ERC2: variants seen among roughly 807,000 people sequenced by gnomAD.
ERC2 encodes ELKS/RAB6-interacting/CAST family member 2, also known as ERC protein 2.
ERC2 carries 42 observed loss-of-function variants against 114.8 expected under a neutral mutation model. The observed-to-expected ratio is 0.37, with a 90% CI of 0.29 to 0.47. The LOEUF is 0.47. ERC2 is among the 20% of genes least tolerant of loss of function. The pLI is 0.99. For missense variants in ERC2, 939 were observed against 1,150.7 expected (o/e 0.82, Z 2.66); for synonymous variants, 454 against 425.5 (o/e 1.07, Z -0.82).
chr3:56,256,782 T>C (rs2052545572), intron 3 of ERC2, among the ~76,000 whole-genome samples: 1 of 152,186 alleles, frequency 6.6e-6, no homozygotes, highest in Non-Finnish European at 1.5e-5. Context: ...GATGGTTTTA[T>C]AAGTGTTTGG....
intron 14 of ERC2, among the ~76,000 whole-genome samples, chr3:55,842,649 T>C (rs777979829): frequency 1.3e-5 from 2 of 151,772 alleles, no homozygotes; most frequent in Non-Finnish European, 2.9e-5. Context: ...TTATCAAGGG[T>C]CTGTAGACTC....
chr3:56,070,747 G>A (rs976365743), intron 7 of ERC2, among the ~76,000 whole-genome samples: 1 of 152,166 alleles, frequency 6.6e-6, no homozygotes, highest in Non-Finnish European at 1.5e-5. Context: ...TTGATTGCTA[G>A]AAGACGTAAA....
At chr3:56,179,091 A>G (rs1321195905) in intron 3 of ERC2, among the ~76,000 whole-genome samples, 1 of 151,940 alleles carries the variant, frequency 6.6e-6, no homozygotes, top group Admixed American at 6.6e-5. Context: ...AAAAACTCAT[A>G]ATGTTTTAAG....
chr3:56,333,907 AG>A (rs1371884299), intron 2 of ERC2, among the ~76,000 whole-genome samples: 1 of 152,184 alleles, frequency 6.6e-6, no homozygotes. Context: ...CACTCTTGGG[AG>A]GCTCTTTCTT....
intron 13 of ERC2, among the ~76,000 whole-genome samples, chr3:55,906,818 C>A (rs1325697711): frequency 1.3e-5 from 2 of 152,158 alleles, no homozygotes; most frequent in African/African-American, 2.4e-5. Context: ...ATGAGTGTTT[C>A]TGTGTTTGGG....
At chr3:55,856,832 A>G (rs1465606878) in intron 14 of ERC2, among the ~76,000 whole-genome samples, 1 of 152,238 alleles carries the variant, frequency 6.6e-6, no homozygotes, top group Non-Finnish European at 1.5e-5. Context: ...TTATTTGGCA[A>G]TAAAAAGAAA....
At chr3:55,547,940 CCTT>C in intron 17 of ERC2, among the ~76,000 whole-genome samples, 1 of 152,358 alleles carries the variant, frequency 6.6e-6, no homozygotes, top group East Asian at 1.9e-4. Flanking sequence ...ATCCAGACCT[CCTT>C]CTGCTCCAGA....
At chr3:56,065,973 T>C (rs972363158) in intron 7 of ERC2, among the ~76,000 whole-genome samples, 5 of 152,188 alleles carry the variant, frequency 3.3e-5, no homozygotes. Context: ...GTTGATTCCA[T>C]GTCTTTGCTA....
At chr3:55,603,797 T>C (rs948105202) in intron 17 of ERC2, among the ~76,000 whole-genome samples, 1 of 152,166 alleles carries the variant, frequency 6.6e-6, no homozygotes, top group African/African-American at 2.4e-5. Flanking sequence ...AGCTGCTTTA[T>C]ACACAAATCA....
At chr3:56,118,352 A>T (rs1308387345) in intron 6 of ERC2, among the ~76,000 whole-genome samples, 10 of 152,242 alleles carry the variant, frequency 6.6e-5, no homozygotes, top group African/African-American at 2.4e-4. Context: ...CACAGTGCCT[A>T]AAACACCATA....
intron 4 of ERC2, among the ~76,000 whole-genome samples, chr3:56,159,181 C>T (rs2081914947): frequency 2.6e-5 from 4 of 152,160 alleles, no homozygotes; most frequent in African/African-American, 9.7e-5. Flanking sequence ...TTTCCTGAGG[C>T]CTCCTCAGAA....
intron 13 of ERC2, among the ~76,000 whole-genome samples, chr3:55,937,847 G>T (rs575489881): frequency 3.0e-4 from 46 of 152,282 alleles, no homozygotes; most frequent in Admixed American, 1.0e-3. Context: ...GGGTACATGA[G>T]ATTATATTTA....
At chr3:55,569,097 G>A (rs955077047) in intron 17 of ERC2, among the ~76,000 whole-genome samples, 2 of 152,118 alleles carry the variant, frequency 1.3e-5, no homozygotes, top group Non-Finnish European at 2.9e-5. Context: ...CAGGTAATGT[G>A]GTTGAGGGGG....
At chr3:56,315,035 G>A (rs1298771601) in intron 2 of ERC2, among the ~76,000 whole-genome samples, 1 of 152,134 alleles carries the variant, frequency 6.6e-6, no homozygotes, top group Admixed American at 6.5e-5. Flanking sequence ...TGGTCTAGAC[G>A]CATCCCTTCC....
intron 14 of ERC2, among the ~76,000 whole-genome samples, chr3:55,871,637 A>G (rs1363614681): frequency 1.3e-5 from 2 of 152,212 alleles, no homozygotes; most frequent in Non-Finnish European, 2.9e-5. Flanking sequence ...AATAATCATA[A>G]AGAGATAACA....
chr3:55,764,373 C>A (rs1017460233), intron 14 of ERC2, among the ~76,000 whole-genome samples: 2 of 152,232 alleles, frequency 1.3e-5, no homozygotes, highest in Non-Finnish European at 2.9e-5. Context: ...GTCACACCTG[C>A]TGCAACACTT....
At chr3:55,872,248 G>A (rs954583814) in intron 14 of ERC2, among the ~76,000 whole-genome samples, 1 of 152,150 alleles carries the variant, frequency 6.6e-6, no homozygotes, top group African/African-American at 2.4e-5. Flanking sequence ...TTTGGAGGAA[G>A]AGAAACCACT....
intron 1 of ERC2, among the ~76,000 whole-genome samples, chr3:56,443,910 C>T (rs1355312916): frequency 6.6e-6 from 1 of 150,478 alleles, no homozygotes; most frequent in Non-Finnish European, 1.5e-5. Context: ...GAAGCCAAGA[C>T]AGGTTCAGTC....
chr3:56,395,479 G>C (rs1316278073), intron 2 of ERC2, among the ~76,000 whole-genome samples: 1 of 152,142 alleles, frequency 6.6e-6, no homozygotes, highest in Non-Finnish European at 1.5e-5. Flanking sequence ...CCCAATGCTG[G>C]AGGTGGGGTC....
Sources: gnomAD v4.1 joint callset for allele counts (sites outside exome capture counted in the v4.1 genomes callset) on GRCh38, gnomAD v4.1.1 for gene constraint, MANE v1.5 for transcripts, NCBI Gene and HGNC (gene_info 2026-07-23, HGNC 2026-07-21) for gene names.